The following SLC4A11 variants were observed in gnomAD, a reference collection of about 807,000 sequenced individuals.
SLC4A11 encodes solute carrier family 4 member 11.
A neutral mutation model predicts 95.0 loss-of-function variants in SLC4A11; 74 were observed. That is an observed-to-expected ratio of 0.78 (90% CI 0.65 to 0.95). The LOEUF is 0.95. SLC4A11 is among the 40% of genes least tolerant of loss of function. SLC4A11 has a pLI of 0.00. For missense variants in SLC4A11, 1,081 were observed against 1,192.4 expected, an observed-to-expected ratio of 0.91 and a Z score of 1.38; for synonymous variants, 548 against 519.0, an observed-to-expected ratio of 1.06 and a Z score of -0.76.
At position 3,231,699 on chromosome 20, in the gene SLC4A11, GC is replaced by G. The variant is rs2067787494; in HGVS notation, c.730-152del. On this transcript the variant is annotated intron_variant, in intron 7 of 19. Transcript: ENST00000642402. The surrounding 1 kb of genome is among the most constrained non-coding windows in gnomAD (Gnocchi z 5.2). ...GAGACAGGGTCTCACTGTCACCCAG[GC>G]TGAGTGCAGTGGCACACTCACGGCT... 1 of 715,326 alleles carries G rather than the reference GC, an allele frequency of 1.4e-6. No individual in the cohort carries two copies. Among genetic ancestry groups the G allele is most frequent in the Admixed American group, 2.2e-5 (1 of 44,996 alleles). 44.3% of individuals were successfully genotyped at this position (715,326 alleles called of 1,614,324 possible).
chr20:3,231,323 C>A lies in SLC4A11; in HGVS notation c.948+7G>T. 1 of 1,613,826 alleles carries A rather than the reference C, an allele frequency of 6.2e-7. No individual in the cohort carries two copies. ...CCTGCCGGCCCCCGCCGGCCTCTACCCTGTACCTCTGGGTGTCTGTGGGCA... is the reference window on the plus strand; with the variant it reads ...CCTGCCGGCCCCCGCCGGCCTCTACACTGTACCTCTGGGTGTCTGTGGGCA... On this transcript the variant is annotated splice_region_variant and intron_variant, in intron 8 of 19. Coordinates refer to ENST00000642402, the MANE Select transcript of SLC4A11 (RefSeq NM_001174089.2). The surrounding 1 kb of genome is among the most constrained non-coding windows in gnomAD (Gnocchi z 5.2).
intron 1 of SLC4A11, 42 bp downstream of exon 1, chr20:3,239,053 C>A: frequency 6.8e-7 from 1 of 1,469,908 alleles, no homozygotes; most frequent in Non-Finnish European, 9.0e-7. Flanking sequence ...TGGCGGAGAC[C>A]CGGGCGGCCT....
rs377025499 is a variant in SLC4A11 at position 3,233,652 on chromosome 20, G to A, written c.606-15C>T. The A allele has an allele frequency of 1.8e-4, 292 of 1,610,684 alleles. 1 individual carries two copies. The highest frequency in any genetic ancestry group is 9.1e-5 in the Non-Finnish European group (107 of 1,179,978). On this transcript the variant is annotated splice_polypyrimidine_tract_variant and intron_variant, in intron 6 of 19. Coordinates refer to ENST00000642402, the MANE Select transcript of SLC4A11 (RefSeq NM_001174089.2). ...TCATGGTACAGCTGGCAGGGGCGGG[G>A]AGGACACAGTGCACAGTTGCACCCC...
chr20:3,228,623 C>A lies in SLC4A11; in HGVS notation c.2277G>T (p.Pro759=). Residue 759 remains proline, a synonymous_variant, in exon 18 of 20, where the codon CCG becomes CCT. Coordinates refer to ENST00000642402, the MANE Select transcript of SLC4A11 (RefSeq NM_001174089.2). ...VGLSLLLLPV[P]LQWIPKPVLY... ...GCACGGGCTTGGGGATCCACTGAAGCGGGACCGGCAGCAGCAACAGGGACA... is the reference window on the plus strand; with the variant it reads ...GCACGGGCTTGGGGATCCACTGAAGAGGGACCGGCAGCAGCAACAGGGACA... 1 of 1,613,190 alleles carries A rather than the reference C, an allele frequency of 6.2e-7. No homozygotes were observed. The highest frequency in any genetic ancestry group is 8.5e-7 in the Non-Finnish European group (1 of 1,179,922).
intron 1 of SLC4A11, chr20:3,238,399 G>A (rs1035879340): frequency 5.5e-5 from 59 of 1,073,964 alleles, no homozygotes; most frequent in African/African-American, 1.7e-5. Context: ...GCAGGCGCGG[G>A]GCGGGAGCCG....
rs773903364 is a variant in SLC4A11, at chr20:3,230,170, C to A, written c.1489+17G>T. 2 of 1,613,222 alleles carry A rather than the reference C, an allele frequency of 1.2e-6. No individual in the cohort carries two copies. Among genetic ancestry groups the A allele is most frequent in the Admixed American group, 1.7e-5 (1 of 60,030 alleles). On this transcript the variant is annotated intron_variant, in intron 13 of 19. Transcript: ENST00000642402. ...GCTGAGCGCCCTGTTCAGCAGGTGG[C>A]CCCCAGCCGCACTCACTTTTAACCG...
chr20:3,228,136 A>ACC, intron 19 of SLC4A11, 123 bp downstream of exon 19: 1 of 437,416 alleles, frequency 2.3e-6, no homozygotes, highest in Non-Finnish European at 4.4e-6. Flanking sequence ...CCTCCTGGGC[A>ACC]CCCACCCCAA....
upstream of SLC4A11, chr20:3,239,233 C>G (rs1345388659): frequency 3.8e-6 from 5 of 1,307,540 alleles, no homozygotes; most frequent in Non-Finnish European, 4.9e-6. Flanking sequence ...CGGCGGGAGC[C>G]GGCGACACAC....
At chr20:3,229,496 C>G (rs767021418) in intron 14 of SLC4A11, 28 bp downstream of exon 14, 2 of 1,612,648 alleles carry the variant, frequency 1.2e-6, no homozygotes, top group Admixed American at 3.3e-5. Context: ...ACCCATGCGG[C>G]CCCTCCCCTC....
At position 3,235,000 on chromosome 20, in the gene SLC4A11, G is replaced by C. The variant is rs1338611543; in HGVS notation, c.89-106C>G. ...GGACCCCTGGACTGTCCCACTCTCGGGCCGTGGTGGGAGAGGCCATCCCAT... is the reference window on the plus strand; with the variant it reads ...GGACCCCTGGACTGTCCCACTCTCGCGCCGTGGTGGGAGAGGCCATCCCAT... On this transcript the variant is annotated intron_variant, in intron 2 of 19. Coordinates refer to ENST00000642402, the MANE Select transcript of SLC4A11 (RefSeq NM_001174089.2). This position sits in a 1 kb window ranked among gnomAD's most constrained non-coding sequence, Gnocchi z 5.8. 4 of 1,413,266 alleles carry C rather than the reference G, an allele frequency of 2.8e-6. No homozygotes were observed. The African/African-American group carries it at 5.6e-5, about 20-fold the overall frequency. The allele number at this position is 1,413,266 out of a possible 1,614,324, so 87.5% of individuals were successfully genotyped here.
Position 3,228,357 on chromosome 20 carries a change from C to A in SLC4A11, c.2460G>T (p.Gln820His), listed in dbSNP as rs1400325763. The A allele has an allele frequency of 6.2e-7, 1 of 1,613,214 alleles. No homozygotes were observed. The highest frequency in any genetic ancestry group is 8.5e-7 in the Non-Finnish European group (1 of 1,180,008). The change falls in exon 19 of 20, where the codon CAG becomes CAT. Residue 820 changes from glutamine to histidine, a missense_variant. Gln to His is a conservative substitution (Grantham distance 24, BLOSUM62 0). This residue lies in a region of SLC4A11 where 767 missense variants were observed against 858.0 expected (regional missense o/e 0.89). Transcript: ENST00000642402. ...QRKIHYFTGLQVLQLLLLCAF... is the reference protein window; with the variant it reads ...QRKIHYFTGLHVLQLLLLCAF... The stretch of plus-strand genomic sequence containing the variant: ...CACACAGCAGCAGCAGCTGAAGCAC[C>A]TGCAGGCCCGTGAAGTAGTGGATCT...
At chr20:3,230,093 G>A (rs372953658) in intron 13 of SLC4A11, 94 bp downstream of exon 13, 1 of 1,426,680 alleles carries the variant, frequency 7.0e-7, no homozygotes, top group Non-Finnish European at 9.9e-7. Flanking sequence ...CACTCAGCTT[G>A]AGCCAGTCCT....
chr20:3,235,118 G>A (rs1489645575), intron 2 of SLC4A11, among the ~76,000 whole-genome samples: 3 of 152,186 alleles, frequency 2.0e-5, no homozygotes, highest in Non-Finnish European at 4.4e-5. Flanking sequence ...TAGCCGCTGA[G>A]ACCAGGACCC....
chr20:3,237,474 G>C, intron 2 of SLC4A11, 70 bp downstream of exon 2: 1 of 1,487,542 alleles, frequency 6.7e-7, no homozygotes, highest in Non-Finnish European at 9.4e-7. Flanking sequence ...TGGTGGGTAG[G>C]CTATGCACCC....
intron 1 of SLC4A11, chr20:3,238,805 G>C (rs2068069945): frequency 6.1e-6 from 7 of 1,155,952 alleles, no homozygotes. Context: ...GCCCACTTTC[G>C]AGCTCCCCGC....
chr20:3,230,960 TGA>T lies in SLC4A11; in HGVS notation c.1139_1140del (p.Leu380GlnfsTer2). ...CLLPTIAFGS[L>X]NDENTDGAID... Reference sequence around the variant, plus strand: ...ATGGCCCCGTCTGTGTTCTCGTCATTGAGAGACCCGAAAGCGATGGTGGGCAG... The same window carrying T: ...ATGGCCCCGTCTGTGTTCTCGTCATTGAGACCCGAAAGCGATGGTGGGCAG... On this transcript the variant is annotated frameshift_variant, in exon 10 of 20. Transcript: ENST00000642402. LOFTEE classifies it high-confidence loss of function. 1 of 1,613,668 alleles carries T rather than the reference TGA, an allele frequency of 6.2e-7. No individual in the cohort carries two copies. The highest frequency in any genetic ancestry group is 8.5e-7 in the Non-Finnish European group (1 of 1,179,898).
At position 3,234,849 on chromosome 20, in the gene SLC4A11, T is replaced by A; in HGVS notation, c.134A>T (p.Glu45Val). 6.2e-7 allele frequency: 1 copy of A among 1,614,024 alleles called. No individual in the cohort carries two copies. The part of the protein sequence containing the change: ...DTDDTFEARE[E>V]ILGDEAFDTA... ...GTCGAAGGCCTCATCCCCCAGGATC[T>A]CCTCTCGGGCTTCGAAGGTGTCATC... Residue 45 changes from glutamate (E) to valine (V), a missense_variant, in exon 3 of 20, where the codon GAG (glutamate) becomes GTG (valine). Transcript: ENST00000642402. This position sits in a 1 kb window ranked among gnomAD's most constrained non-coding sequence, Gnocchi z 5.8.
In SLC4A11 at chr20:3,229,161, A is replaced by G. The variant is rs1361076430; in HGVS notation, c.1952T>C (p.Leu651Pro). The change falls in exon 16 of 20, where the codon CTG becomes CCG. Residue 651 changes from leucine (L) to proline (P), a missense_variant. By Grantham distance (98) the Leu-to-Pro change is moderately conservative (BLOSUM62 -3). This residue lies in a region of SLC4A11 where 767 missense variants were observed against 858.0 expected (regional missense o/e 0.89). Transcript: ENST00000642402. ...AVSGAMGLGF[L>P]LSMLFFIEQN... ...CTCGATGAAGAAGAGCATGGACAGCAGGAAGCCGAGGCCCATGGCACCGCT... is the reference window on the plus strand; with the variant it reads ...CTCGATGAAGAAGAGCATGGACAGCGGGAAGCCGAGGCCCATGGCACCGCT... 2 of 1,611,618 alleles carry G rather than the reference A, an allele frequency of 1.2e-6. No homozygotes were observed. Among genetic ancestry groups the G allele is most frequent in the South Asian group, 2.2e-5 (2 of 91,028 alleles).
rs560394427 is a variant in SLC4A11, at chr20:3,239,132, G to A, written c.6C>T (p.Ala2=). 101 of 1,475,938 alleles carry A rather than the reference G, an allele frequency of 6.8e-5. No individual in the cohort carries two copies. The African/African-American group carries it at 1.1e-3, about 16-fold the overall frequency. The allele number at this position is 1,475,938 out of a possible 1,614,324, so 91.4% of individuals were successfully genotyped here. The change falls in exon 1 of 20, where the codon GCC becomes GCT. Residue 2 remains alanine, a synonymous_variant. Coordinates refer to ENST00000642402, the MANE Select transcript of SLC4A11 (RefSeq NM_001174089.2). M[A]AATRRVFHLQ... ...GATGGAACACGCGCCTGGTGGCCGC[G>A]GCCATGGCACACTCGCGCACTCACG...
Sources: allele counts gnomAD v4.1 joint callset (sites outside exome capture counted in the v4.1 genomes callset), GRCh38; gene constraint gnomAD v4.1.1; regional missense constraint gnomAD v4.1.1; non-coding constraint Gnocchi (gnomAD v3.1); transcripts MANE v1.5; gene names NCBI Gene and HGNC (gene_info 2026-07-23, HGNC 2026-07-21).